The following DGCR8 variants were observed in gnomAD, a reference collection of about 807,000 sequenced individuals.
DGCR8 encodes microprocessor complex subunit DGCR8.
A neutral mutation model predicts 78.5 loss-of-function variants in DGCR8; 14 were observed. That is an observed-to-expected ratio of 0.18 (90% CI 0.12 to 0.28). The LOEUF (loss-of-function observed/expected upper bound fraction) is 0.28. Among genes scored for constraint, DGCR8 ranks in the 10% least tolerant of loss-of-function variants. The pLI is 1.00. For missense variants in DGCR8, 702 were observed against 1,022.5 expected, an observed-to-expected ratio of 0.69 and a Z score of 4.28; for synonymous variants, 399 against 402.4, an observed-to-expected ratio of 0.99 and a Z score of 0.10.
chr22:20,100,352 A>G (rs1340071874), intron 9 of DGCR8: 3 of 985,424 alleles, frequency 3.0e-6, no homozygotes, highest in Non-Finnish European at 3.6e-6. Flanking sequence ...GGCGTGAGCC[A>G]CTGCACCTGG....
At chr22:20,106,813 T>C in intron 11 of DGCR8, 115 bp downstream of exon 11, 1 of 752,326 alleles carries the variant, frequency 1.3e-6, no homozygotes, top group South Asian at 1.5e-5. Flanking sequence ...TGAGCCCAGC[T>C]GTGTGTGCTG....
chr22:20,104,904 G>A (rs1396048512), intron 9 of DGCR8, among the ~76,000 whole-genome samples: 2 of 152,190 alleles, frequency 1.3e-5, no homozygotes, highest in Non-Finnish European at 2.9e-5. Context: ...TGTGGAGCGG[G>A]CTTGGCACAC....
chr22:20,102,357 T>C (rs9605062), intron 9 of DGCR8, among the ~76,000 whole-genome samples: 41,126 of 152,034 alleles, frequency 0.27, 5,677 homozygotes, highest in South Asian at 0.29. Context: ...TCTGGCTTGG[T>C]GTGGTGTGAC....
intron 9 of DGCR8, among the ~76,000 whole-genome samples, chr22:20,102,782 C>T (rs1359999214): frequency 2.6e-5 from 4 of 152,154 alleles, no homozygotes; most frequent in African/African-American, 9.7e-5. Flanking sequence ...ATTGTTTTGG[C>T]TATTCTAGCT....
chr22:20,104,093 C>T (rs757580444), intron 9 of DGCR8, among the ~76,000 whole-genome samples: 29 of 151,240 alleles, frequency 1.9e-4, no homozygotes, highest in Non-Finnish European at 3.1e-4. Flanking sequence ...CTGTCCCTGG[C>T]GGGTTAACCC....
chr22:20,080,476 A>C, intron 1 of DGCR8, 93 bp downstream of exon 1: 1 of 982,854 alleles, frequency 1.0e-6, no homozygotes, highest in Non-Finnish European at 1.2e-6. Context: ...TCCCTCCGGG[A>C]CCGAGGCCGC....
At chr22:20,094,564 A>G in intron 8 of DGCR8, 149 bp from the exon 9 acceptor site, 1 of 710,014 alleles carries the variant, frequency 1.4e-6, no homozygotes, top group South Asian at 1.7e-5. Context: ...TCCTCTCCTG[A>G]CCCTGTCACT....
rs1345613763 is a variant in DGCR8, at chr22:20,110,131, G to A, written c.*23G>A. 25 of 1,600,496 alleles carry A rather than the reference G, an allele frequency of 1.6e-5. No homozygotes were observed. In the East Asian group the frequency reaches 1.8e-4, roughly 11 times the overall value. ...TGAGGGAGGTGGCACGGGCCAGGGC[G>A]CGGGGGCCGCCAGCCGCACTTCTGA... is the stretch of plus-strand genomic sequence containing the variant. On this transcript the variant is annotated 3_prime_UTR_variant, in exon 14 of 14. Coordinates refer to ENST00000351989, the MANE Select transcript of DGCR8 (RefSeq NM_022720.7).
intron 9 of DGCR8, chr22:20,102,012 A>G (rs1402142739): frequency 2.9e-5 from 29 of 984,632 alleles, no homozygotes; most frequent in Non-Finnish European, 3.5e-5. Context: ...ATCTCTTGGT[A>G]TTTTGTTGCT....
rs767879729 is a variant in DGCR8, at chr22:20,110,009, TTTG to T, written c.2239-10_2239-8del. The T allele has an allele frequency of 1.7e-5, 27 of 1,613,450 alleles. No homozygotes were observed. Among genetic ancestry groups the T allele is most frequent in the Admixed American group, 1.7e-4 (10 of 60,012 alleles). On this transcript the variant is annotated splice_polypyrimidine_tract_variant and intron_variant, in intron 13 of 13. Transcript: ENST00000351989. ...GCCCACCTCACTGGTACCCCTGACC[TTTG>T]TTGTTCTTTCAGGAGGAGACTCGAA...
intron 9 of DGCR8, 67 bp downstream of exon 9, chr22:20,094,862 T>C: frequency 7.0e-7 from 1 of 1,433,232 alleles, no homozygotes. Context: ...CCTGTTAGTG[T>C]GAGCTGGGGG....
In DGCR8 at chr22:20,085,947, T is replaced by C. The variant is rs753437486; in HGVS notation, c.-17T>C. The C allele has an allele frequency of 1.9e-6, 3 of 1,541,920 alleles. No homozygotes were observed. The Admixed American group carries it at 6.0e-5, about 31-fold the overall frequency. The stretch of plus-strand genomic sequence containing the variant: ...GTAAAACTCTGGTCTTGTAAACTAG[T>C]CTTAAGCGCTTTTAATATGGAGACA... On this transcript the variant is annotated 5_prime_UTR_variant, in exon 2 of 14. Coordinates refer to ENST00000351989, the MANE Select transcript of DGCR8 (RefSeq NM_022720.7). This position sits in a 1 kb window ranked among gnomAD's most constrained non-coding sequence, Gnocchi z 6.2.
Position 20,089,827 on chromosome 22 carries a change from G to C in DGCR8, c.1023+16G>C. 6.2e-7 allele frequency: 1 copy of C among 1,613,414 alleles called. No individual in the cohort carries two copies. Among genetic ancestry groups the C allele is most frequent in the Non-Finnish European group, 8.5e-7 (1 of 1,179,708 alleles). On this transcript the variant is annotated intron_variant, in intron 4 of 13. Coordinates refer to ENST00000351989, the MANE Select transcript of DGCR8 (RefSeq NM_022720.7). The surrounding 1 kb of genome is among the most constrained non-coding windows in gnomAD (Gnocchi z 4.9). ...AAGCATACGGGTAGGGGAGGCATCA[G>C]TCGTGACTTTAGGCTTGTAAGTTCT...
chr22:20,107,490 C>A (rs1376493964), intron 12 of DGCR8, 92 bp downstream of exon 12: 1 of 1,521,074 alleles, frequency 6.6e-7, no homozygotes, highest in Non-Finnish European at 9.0e-7. Flanking sequence ...CAGAGCTGGG[C>A]AGCTCTGCTG....
In DGCR8 at chr22:20,110,022, C is replaced by T. The variant is rs764520468; in HGVS notation, c.2239-3C>T. ...GTACCCCTGACCTTTGTTGTTCTTT[C>T]AGGAGGAGACTCGAAAGAAGCCCAA... On this transcript the variant is annotated splice_polypyrimidine_tract_variant and splice_region_variant and intron_variant, in intron 13 of 13. Coordinates refer to ENST00000351989, the MANE Select transcript of DGCR8 (RefSeq NM_022720.7). 6.2e-7 allele frequency: 1 copy of T among 1,613,798 alleles called. No homozygotes were observed. The highest frequency in any genetic ancestry group is 8.5e-7 in the Non-Finnish European group (1 of 1,179,984).
chr22:20,100,890 C>T (rs753565563), intron 9 of DGCR8: 5 of 950,788 alleles, frequency 5.3e-6, no homozygotes, highest in African/African-American at 1.8e-5. Context: ...TGGGACTGCC[C>T]CCACTTCCTG....
Position 20,086,496 on chromosome 22 carries a change from G to C in DGCR8, c.533G>C (p.Ser178Thr). ...GACGGGGTAGGCATAGGGGGTGAGAGTGCTGATAAGAAGGATGAGGAGAAT... is the reference window on the plus strand; with the variant it reads ...GACGGGGTAGGCATAGGGGGTGAGACTGCTGATAAGAAGGATGAGGAGAAT... ...VGDGVGIGGE[S>T]ADKKDEENEL... Residue 178 changes from serine (S) to threonine (T), a missense_variant, in exon 2 of 14, where the codon AGT becomes ACT. Coordinates refer to ENST00000351989, the MANE Select transcript of DGCR8 (RefSeq NM_022720.7). The surrounding 1 kb of genome is among the most constrained non-coding windows in gnomAD (Gnocchi z 6.4). 1 of 1,614,060 alleles carries C rather than the reference G, an allele frequency of 6.2e-7. No homozygotes were observed. The highest frequency in any genetic ancestry group is 8.5e-7 in the Non-Finnish European group (1 of 1,180,036).
intron 1 of DGCR8, among the ~76,000 whole-genome samples, chr22:20,082,692 A>T (rs546639724): frequency 1.3e-5 from 2 of 152,200 alleles, no homozygotes; most frequent in Non-Finnish European, 2.9e-5. Context: ...AAACCATAAG[A>T]TGGTATAAAA....
chr22:20,092,553 G>A (rs1431769834), intron 7 of DGCR8, among the ~76,000 whole-genome samples: 2 of 152,166 alleles, frequency 1.3e-5, no homozygotes, highest in African/African-American at 4.8e-5. Flanking sequence ...TCTGCCCCCA[G>A]CCTCCTGCTG....
Sources: gnomAD v4.1 joint callset for allele counts (sites outside exome capture counted in the v4.1 genomes callset) on GRCh38, gnomAD v4.1.1 for gene constraint, Gnocchi (gnomAD v3.1) non-coding constraint, MANE v1.5 for transcripts, NCBI Gene and HGNC (gene_info 2026-07-23, HGNC 2026-07-21) for gene names.